Variants in ARHGEF7 observed in about 807,000 individuals in gnomAD.
The protein encoded by ARHGEF7 is PAK-interacting exchange factor beta.
Under a neutral mutation model 109.8 loss-of-function variants are expected in ARHGEF7, and 33 were observed. The ratio of observed to expected loss-of-function variants is 0.30; its 90% CI spans 0.23 to 0.40. ARHGEF7 has a LOEUF of 0.40. Among genes scored for constraint, ARHGEF7 ranks in the 10% least tolerant of loss-of-function variants. The pLI, the probability that ARHGEF7 is intolerant of heterozygous loss-of-function variation, is 1.00. For missense variants in ARHGEF7, 938 were observed against 1,098.5 expected, an observed-to-expected ratio of 0.85 and a Z score of 2.07; for synonymous variants, 458 against 424.6, an observed-to-expected ratio of 1.08 and a Z score of -0.97.
intron 19 of ARHGEF7, chr13:111,294,756 A>G (rs2093387782): frequency 5.1e-6 from 5 of 985,566 alleles, no homozygotes; most frequent in Non-Finnish European, 6.0e-6. Flanking sequence ...TGTTCATACA[A>G]TTCTGTAATA....
intron 2 of ARHGEF7, among the ~76,000 whole-genome samples, chr13:111,180,505 G>A (rs2078629299): frequency 6.6e-6 from 1 of 152,262 alleles, no homozygotes; most frequent in South Asian, 2.1e-4. Flanking sequence ...CAACAGCTTA[G>A]TAGTAACAGC....
chr13:111,300,672 G>C, intron 19 of ARHGEF7, 76 bp from the exon 20 acceptor site: 1 of 952,942 alleles, frequency 1.0e-6, no homozygotes, highest in East Asian at 2.6e-5. Flanking sequence ...AAGTGACATG[G>C]TATAGTCAAG....
Position 111,239,800 on chromosome 13 carries a change from G to A in ARHGEF7, c.760-4072G>A, listed in dbSNP as rs2087454530. On this transcript the variant is annotated intron_variant, in intron 6 of 21. Transcript: ENST00000646102. The surrounding 1 kb of genome is among the most constrained non-coding windows in gnomAD (Gnocchi z 4.3). The stretch of plus-strand genomic sequence containing the variant: ...GCTGTATCTGGACTAAGATGATACA[G>A]ATGAAGGTTGTCAGGTAGGCACTAG... 3.3e-5 allele frequency among the ~76,000 whole-genome samples: 5 copies of A among 152,126 alleles called. No homozygotes were observed. The South Asian group carries it at 1.0e-3, about 32-fold the overall frequency.
At chr13:111,172,244 G>T (rs578082785) in intron 2 of ARHGEF7, among the ~76,000 whole-genome samples, 2 of 152,266 alleles carry the variant, frequency 1.3e-5, no homozygotes, top group African/African-American at 4.8e-5. Context: ...GGGGCCTTTA[G>T]AGCATAGTCT....
intron 1 of ARHGEF7, among the ~76,000 whole-genome samples, chr13:111,135,857 C>T (rs551869545): frequency 7.9e-5 from 12 of 152,332 alleles, no homozygotes; most frequent in Non-Finnish European, 1.3e-4. Context: ...TGAGAGAGGG[C>T]ATCCCTGTCT....
Position 111,272,628 on chromosome 13 carries a change from G to T in ARHGEF7, c.1074-1186G>T, listed in dbSNP as rs990589298. On this transcript the variant is annotated intron_variant, in intron 9 of 21. Transcript: ENST00000646102. This position sits in a 1 kb window ranked among gnomAD's most constrained non-coding sequence, Gnocchi z 5.2. Reference sequence around the variant, plus strand: ...AGACCCCTATCTTCTAGGATGGGGCGTGGTGATGGGGCGGGGGTCACCTGG... The same window carrying T: ...AGACCCCTATCTTCTAGGATGGGGCTTGGTGATGGGGCGGGGGTCACCTGG... 3.9e-5 allele frequency among the ~76,000 whole-genome samples: 6 copies of T among 152,162 alleles called. No individual in the cohort carries two copies. Among genetic ancestry groups the T allele is most frequent in the Non-Finnish European group, 7.3e-5 (5 of 68,028 alleles).
intron 5 of ARHGEF7, among the ~76,000 whole-genome samples, chr13:111,224,564 ACTGT>A (rs1317430653): frequency 3.2e-4 from 48 of 152,144 alleles, no homozygotes; most frequent in Admixed American, 3.1e-3. Flanking sequence ...TGAGATGATG[ACTGT>A]CTGTGTTTGG....
At chr13:111,179,118 A>T in intron 2 of ARHGEF7, among the ~76,000 whole-genome samples, 1 of 146,900 alleles carries the variant, frequency 6.8e-6, no homozygotes, top group Non-Finnish European at 1.5e-5. Flanking sequence ...TTGCTTTGTC[A>T]CCTAGGTTGG....
In ARHGEF7 at chr13:111,195,460, G is replaced by A. The variant is rs934578478; in HGVS notation, c.253-9829G>A. Among the ~76,000 whole-genome samples the A allele has an allele frequency of 2.0e-5, 3 of 152,348 alleles. No individual in the cohort carries two copies. In the East Asian group the frequency reaches 5.8e-4, roughly 29 times the overall value. On this transcript the variant is annotated intron_variant, in intron 2 of 21. Transcript: ENST00000646102. ...AGGCTGCCCCAGGATTCCTCGGATG[G>A]TAACAGACCTTGAGGATAGTCGTCC...
At chr13:111,157,333 CA>C (rs1038446160) in intron 2 of ARHGEF7, among the ~76,000 whole-genome samples, 3 of 150,848 alleles carry the variant, frequency 2.0e-5, no homozygotes, top group Admixed American at 2.0e-4. Flanking sequence ...CCTAGGCACA[CA>C]ATTTCTATTT....
intron 2 of ARHGEF7, among the ~76,000 whole-genome samples, chr13:111,162,597 A>G (rs936031595): frequency 6.6e-6 from 1 of 152,210 alleles, no homozygotes; most frequent in Non-Finnish European, 1.5e-5. Context: ...GCAGTCCAGC[A>G]TCGTAAGGAG....
chr13:111,273,070 G>T lies in ARHGEF7; in HGVS notation c.1074-744G>T, dbSNP rs2092271360. Among the ~76,000 whole-genome samples the T allele has an allele frequency of 6.6e-6, 1 of 152,160 alleles. No individual in the cohort carries two copies. Among genetic ancestry groups the T allele is most frequent in the Non-Finnish European group, 1.5e-5 (1 of 68,022 alleles). Reference sequence around the variant, plus strand: ...CTTGTTTCTGACTCTTTAATTTTGGGATATGCACTGTTTCTATGTCCATAC... The same window carrying T: ...CTTGTTTCTGACTCTTTAATTTTGGTATATGCACTGTTTCTATGTCCATAC... On this transcript the variant is annotated intron_variant, in intron 9 of 21. Coordinates refer to ENST00000646102, the MANE Select transcript of ARHGEF7 (RefSeq NM_001354046.2). The surrounding 1 kb of genome is among the most constrained non-coding windows in gnomAD (Gnocchi z 4.5).
chr13:111,161,781 T>A (rs2076760822), intron 2 of ARHGEF7, among the ~76,000 whole-genome samples: 1 of 152,276 alleles, frequency 6.6e-6, no homozygotes, highest in Admixed American at 6.5e-5. Context: ...AATATATTTT[T>A]AAAATATCCA....
At chr13:111,128,576 A>T (rs1036095565) in intron 1 of ARHGEF7, among the ~76,000 whole-genome samples, 2 of 152,246 alleles carry the variant, frequency 1.3e-5, no homozygotes, top group African/African-American at 4.8e-5. Context: ...ATACAAAATC[A>T]GTTGTATTTC....
intron 9 of ARHGEF7, among the ~76,000 whole-genome samples, chr13:111,268,903 C>T (rs779008650): frequency 5.9e-5 from 9 of 152,144 alleles, no homozygotes; most frequent in Non-Finnish European, 1.0e-4. Context: ...GTTACTGTTT[C>T]CTGGGTGTGC....
At chr13:111,167,590 G>T in intron 2 of ARHGEF7, among the ~76,000 whole-genome samples, 1 of 152,190 alleles carries the variant, frequency 6.6e-6, no homozygotes, top group East Asian at 1.9e-4. Flanking sequence ...ATCCCTTGGT[G>T]CAATGTTAGT....
intron 4 of ARHGEF7, among the ~76,000 whole-genome samples, chr13:111,215,964 CG>C (rs1346680669): frequency 6.6e-6 from 1 of 151,944 alleles, no homozygotes; most frequent in Non-Finnish European, 1.5e-5. Flanking sequence ...GAAAGTGGTG[CG>C]TGGGAGGTAA....
In ARHGEF7 at chr13:111,272,396, C is replaced by T. The variant is rs1005706864; in HGVS notation, c.1074-1418C>T. Among the ~76,000 whole-genome samples, 2 of 152,108 alleles carry T rather than the reference C, an allele frequency of 1.3e-5. No homozygotes were observed. Among genetic ancestry groups the T allele is most frequent in the African/African-American group, 2.4e-5 (1 of 41,402 alleles). ...AGTAGCCAGCTTGGCTGGGGTGGTG[C>T]GGTGGGAGGCTCCTGTGAGACCAGA... On this transcript the variant is annotated intron_variant, in intron 9 of 21. Transcript: ENST00000646102. This position sits in a 1 kb window ranked among gnomAD's most constrained non-coding sequence, Gnocchi z 5.2.
intron 2 of ARHGEF7, among the ~76,000 whole-genome samples, chr13:111,156,671 A>G (rs908304311): frequency 9.9e-5 from 15 of 152,268 alleles, no homozygotes; most frequent in African/African-American, 3.4e-4. Context: ...GCCACAGTGC[A>G]GCAATTTCCC....
Sources: allele counts gnomAD v4.1 joint callset (sites outside exome capture counted in the v4.1 genomes callset), GRCh38; gene constraint gnomAD v4.1.1; non-coding constraint Gnocchi (gnomAD v3.1); transcripts MANE v1.5; gene names NCBI Gene and HGNC (gene_info 2026-07-23, HGNC 2026-07-21).